ZMYM4: variants seen among roughly 807,000 people sequenced by gnomAD.
ZMYM4 encodes zinc finger MYM-type containing 4, also known as zinc finger MYM-type protein 4.
In ZMYM4, 31 loss-of-function variants were observed where a neutral mutation model predicts 183.2. That is an observed-to-expected ratio of 0.17 (90% confidence interval 0.13 to 0.23). The LOEUF is 0.23. Ranked by LOEUF, ZMYM4 falls within the 10% of genes least tolerant of loss-of-function variation. The pLI, the probability that ZMYM4 is intolerant of heterozygous loss-of-function variation, is 1.00. For missense variants in ZMYM4, 1,273 were observed against 1,840.3 expected, an observed-to-expected ratio of 0.69 and a Z score of 5.64; for synonymous variants, 592 against 631.2, an observed-to-expected ratio of 0.94 and a Z score of 0.93.
chr1:35,369,813 T>TA (rs1291595393), intron 5 of ZMYM4, among the ~76,000 whole-genome samples: 2 of 151,978 alleles, frequency 1.3e-5, no homozygotes, highest in Non-Finnish European at 2.9e-5. Context: ...ACTAAGTAGA[T>TA]ACTTTCATTT....
chr1:35,386,846 C>G (rs1193501708), intron 11 of ZMYM4, among the ~76,000 whole-genome samples, 157 bp from the exon 12 acceptor site: 2 of 152,114 alleles, frequency 1.3e-5, no homozygotes, highest in Non-Finnish European at 2.9e-5. Flanking sequence ...AAATGAGACT[C>G]CCCCCATTCC....
At chr1:35,398,308 C>A in intron 20 of ZMYM4, 105 bp from the exon 21 acceptor site, 1 of 947,936 alleles carries the variant, frequency 1.1e-6, no homozygotes, top group Non-Finnish European at 1.6e-6. Flanking sequence ...AATCTATTTA[C>A]TTAGAACTTT....
In ZMYM4 at chr1:35,384,992, G is replaced by A. The variant is rs145683487; in HGVS notation, c.1570-450G>A. Among the ~76,000 whole-genome samples, 115 of 152,018 alleles carry A rather than the reference G, an allele frequency of 7.6e-4. 2 individuals are homozygous for A. The East Asian group carries it at 0.021, about 28-fold the overall frequency. On this transcript the variant is annotated intron_variant, in intron 9 of 29. Transcript: ENST00000314607. The stretch of plus-strand genomic sequence containing the variant: ...TGAATAGCTGGGACTACAGGCGCCT[G>A]CCACTATGCCTGGCTAATTTTTTTT...
chr1:35,280,524 T>A (rs1443720459), intron 1 of ZMYM4, among the ~76,000 whole-genome samples: 1 of 152,188 alleles, frequency 6.6e-6, no homozygotes, highest in Non-Finnish European at 1.5e-5. Flanking sequence ...CATAAGAAAT[T>A]ACCACAAACT....
intron 2 of ZMYM4, among the ~76,000 whole-genome samples, chr1:35,331,580 G>C (rs954502051): frequency 6.6e-6 from 1 of 151,904 alleles, no homozygotes; most frequent in Non-Finnish European, 1.5e-5. Flanking sequence ...GAGGTCAGGA[G>C]TTCGAGACCA....
At chr1:35,282,304 T>A (rs1463149304) in intron 1 of ZMYM4, among the ~76,000 whole-genome samples, 3 of 152,256 alleles carry the variant, frequency 2.0e-5, no homozygotes, top group African/African-American at 7.2e-5. Context: ...TTTGTAAGTC[T>A]CTTTGCCCCC....
Position 35,268,836 on chromosome 1 carries a change from C to G in ZMYM4, c.-211C>G, listed in dbSNP as rs1639435585. ...GGCCCCCACCCCGTCCCCGGGCAGGCCCTCCCGCCCACGCGCGGACCCGTG... is the reference window on the plus strand; with the variant it reads ...GGCCCCCACCCCGTCCCCGGGCAGGGCCTCCCGCCCACGCGCGGACCCGTG... On this transcript the variant is annotated 5_prime_UTR_variant, in exon 1 of 30. Coordinates refer to ENST00000314607, the MANE Select transcript of ZMYM4 (RefSeq NM_005095.3). 2.3e-6 allele frequency: 1 copy of G among 425,994 alleles called. No homozygotes were observed. The highest frequency in any genetic ancestry group is 2.1e-5 in the African/African-American group (1 of 48,074). The allele number at this position is 425,994 out of a possible 1,614,324, so 26.4% of individuals were successfully genotyped here.
Position 35,397,102 on chromosome 1 carries a change from G to A in ZMYM4, c.3031-275G>A, listed in dbSNP as rs115881356. 801 of 1,066,350 alleles carry A rather than the reference G, an allele frequency of 7.5e-4. 4 individuals carry two copies. The African/African-American group carries it at 0.012, about 16-fold the overall frequency. The allele number at this position is 1,066,350 out of a possible 1,614,324, so 66.1% of individuals were successfully genotyped here. A position where few individuals can be genotyped will look rare whatever the true frequency, so the allele number is the denominator to read the frequency against. On this transcript the variant is annotated intron_variant, in intron 19 of 29. Transcript: ENST00000314607. ...TATGAGAAAATTGTGAGAAATACAAGCAAAAACAACAAAAACAAAATGCAA... is the reference window on the plus strand; with the variant it reads ...TATGAGAAAATTGTGAGAAATACAAACAAAAACAACAAAAACAAAATGCAA...
intron 1 of ZMYM4, among the ~76,000 whole-genome samples, chr1:35,299,476 G>T (rs1641173591): frequency 6.6e-6 from 1 of 152,214 alleles, no homozygotes; most frequent in Non-Finnish European, 1.5e-5. Flanking sequence ...CTCTTTAGAG[G>T]TTTCCCATTG....
At chr1:35,356,416 T>A (rs981292499) in intron 2 of ZMYM4, among the ~76,000 whole-genome samples, 1 of 152,234 alleles carries the variant, frequency 6.6e-6, no homozygotes, top group African/African-American at 2.4e-5. Flanking sequence ...ATGGCTCACC[T>A]GTAAGTTCTT....
chr1:35,386,325 C>T (rs1558141353), intron 11 of ZMYM4, 136 bp downstream of exon 11: 4 of 595,210 alleles, frequency 6.7e-6, no homozygotes, highest in East Asian at 3.1e-5. Flanking sequence ...CACAGTTCCA[C>T]AGGCTGTACA....
intron 27 of ZMYM4, 151 bp from the exon 28 acceptor site, chr1:35,415,314 TG>T: frequency 9.8e-7 from 1 of 1,017,652 alleles, no homozygotes; most frequent in Non-Finnish European, 1.4e-6. Context: ...TTTTTCTTTG[TG>T]GTGCGTTTTC....
intron 2 of ZMYM4, among the ~76,000 whole-genome samples, chr1:35,335,964 C>T (rs1329016665): frequency 2.0e-5 from 3 of 152,134 alleles, no homozygotes; most frequent in Non-Finnish European, 2.9e-5. Flanking sequence ...ATAAAATTTA[C>T]CACCTAAGCC....
chr1:35,341,137 T>A (rs1643186016), intron 2 of ZMYM4, among the ~76,000 whole-genome samples: 1 of 142,660 alleles, frequency 7.0e-6, no homozygotes, highest in African/African-American at 2.7e-5. Context: ...TGAAGGAGTA[T>A]TTTTAAATTA....
intron 22 of ZMYM4, among the ~76,000 whole-genome samples, chr1:35,399,268 C>T (rs541010823): frequency 1.3e-5 from 2 of 152,016 alleles, no homozygotes; most frequent in African/African-American, 2.4e-5. Flanking sequence ...TAACCTTTCC[C>T]GTAGTAGCTA....
At chr1:35,318,716 C>T (rs1163677497) in intron 1 of ZMYM4, among the ~76,000 whole-genome samples, 2 of 152,152 alleles carry the variant, frequency 1.3e-5, no homozygotes, top group African/African-American at 2.4e-5. Context: ...CCTTGGCATA[C>T]CAAAGTGCTG....
At chr1:35,302,546 C>G (rs2148753233) in intron 1 of ZMYM4, among the ~76,000 whole-genome samples, 1 of 151,814 alleles carries the variant, frequency 6.6e-6, no homozygotes, top group South Asian at 2.1e-4. Context: ...CCACAATGCC[C>G]CACTAATTTT....
intron 5 of ZMYM4, 146 bp from the exon 6 acceptor site, chr1:35,369,883 T>C (rs1436414107): frequency 4.2e-6 from 2 of 481,714 alleles, no homozygotes; most frequent in African/African-American, 4.0e-5. Context: ...ATAGTTTGCT[T>C]GCTGTTTTGT....
intron 9 of ZMYM4, among the ~76,000 whole-genome samples, chr1:35,383,900 G>C (rs1322014076): frequency 6.6e-6 from 1 of 152,136 alleles, no homozygotes; most frequent in Non-Finnish European, 1.5e-5. Context: ...CAGTTTTTCT[G>C]TCTGTAAATA....
Sources: gnomAD v4.1 joint callset for allele counts (sites outside exome capture counted in the v4.1 genomes callset) on GRCh38, gnomAD v4.1.1 for gene constraint, MANE v1.5 for transcripts, NCBI Gene and HGNC (gene_info 2026-07-23, HGNC 2026-07-21) for gene names.